Variants in SUCO observed in about 807,000 individuals in gnomAD.
SUCO encodes SUN domain containing ossification factor.
SUCO carries 57 observed loss-of-function variants against 148.1 expected under a neutral mutation model. That is an observed-to-expected ratio of 0.38 (90% CI 0.31 to 0.48). The LOEUF is 0.48. SUCO is among the 20% of genes least tolerant of loss of function. The pLI is 0.96. For synonymous variants in SUCO, 470 were observed against 502.7 expected (o/e 0.93, Z 0.87); for missense variants, 1,331 against 1,468.2 (o/e 0.91, Z 1.53).
intron 18 of SUCO, among the ~76,000 whole-genome samples, chr1:172,590,758 A>G (rs1159490531): frequency 6.6e-6 from 1 of 152,142 alleles, no homozygotes; most frequent in Non-Finnish European, 1.5e-5. Context: ...GCTACCCCAT[A>G]CCTGCTCTTA....
chr1:172,556,475 C>T, intron 4 of SUCO: 1 of 352,400 alleles, frequency 2.8e-6, no homozygotes, highest in East Asian at 1.7e-4. Flanking sequence ...TTTAAGTGAT[C>T]CTTAATTTAG....
In SUCO at chr1:172,611,363, G is replaced by A. The variant is rs1266027856; in HGVS notation, c.*1104G>A. On this transcript the variant is annotated 3_prime_UTR_variant, in exon 24 of 24. Coordinates refer to ENST00000263688, the MANE Select transcript of SUCO (RefSeq NM_014283.5). ...AAAATAATTGGCAGCAACTGTATTTGAATAAAATGATTTCTTAGTATGATT... is the reference window on the plus strand; with the variant it reads ...AAAATAATTGGCAGCAACTGTATTTAAATAAAATGATTTCTTAGTATGATT... 6.6e-6 allele frequency: 1 copy of A among 152,414 alleles called. No homozygotes were observed. The highest frequency in any genetic ancestry group is 1.5e-5 in the Non-Finnish European group (1 of 67,980). The allele number at this position is 152,414 out of a possible 1,614,324, so 9.4% of individuals were successfully genotyped here.
At chr1:172,549,230 C>A (rs1653097486) in intron 1 of SUCO, among the ~76,000 whole-genome samples, 1 of 151,782 alleles carries the variant, frequency 6.6e-6, no homozygotes, top group South Asian at 2.1e-4. Flanking sequence ...ACTGGGTAAT[C>A]TTACATGCTT....
At chr1:172,567,217 G>A (rs1654615529) in intron 6 of SUCO, among the ~76,000 whole-genome samples, 2 of 152,192 alleles carry the variant, frequency 1.3e-5, no homozygotes, top group South Asian at 4.1e-4. Flanking sequence ...TAAACTAAAT[G>A]AGACTTATAT....
rs1026659903 is a variant in SUCO at position 172,596,291 on chromosome 1, A to G, written c.2914-3773A>G. ...TGAAGCCTACTTCTGTGTACTTGTC[A>G]AAGTCATTCTCCATCCAGCTTTGTT... On this transcript the variant is annotated intron_variant, in intron 19 of 23. Coordinates refer to ENST00000263688, the MANE Select transcript of SUCO (RefSeq NM_014283.5). Among the ~76,000 whole-genome samples, 49 of 152,202 alleles carry G rather than the reference A, an allele frequency of 3.2e-4. 1 individual carries two copies. The highest frequency in any genetic ancestry group is 2.8e-3 in the Admixed American group (43 of 15,278).
chr1:172,573,162 A>G lies in SUCO; in HGVS notation c.1050-729A>G, dbSNP rs186200476. ...TGAAGCCATCACCACAATAAAGATA[A>G]CAAACATATCCATCATTCCCAAAAG... On this transcript the variant is annotated intron_variant, in intron 9 of 23. Transcript: ENST00000263688. Among the ~76,000 whole-genome samples the G allele has an allele frequency of 6.6e-5, 10 of 152,356 alleles. No individual in the cohort carries two copies. The East Asian group carries it at 1.5e-3, about 23-fold the overall frequency.
chr1:172,578,340 T>C lies in SUCO; in HGVS notation c.1383T>C (p.Ala461=), dbSNP rs754309156. 3 of 1,612,772 alleles carry C rather than the reference T, an allele frequency of 1.9e-6. No homozygotes were observed. The highest frequency in any genetic ancestry group is 2.2e-5 in the South Asian group (2 of 91,048). ...TGGTGGAAGAATATGAAGAAATTGC[T>C]GATTCCCAGTATCACTCAGAACGCC... is the stretch of plus-strand genomic sequence containing the variant. ...TSMVEEYEEI[A]DSQYHSERQE... is the part of the protein sequence containing the mutation. The change falls in exon 14 of 24, where the codon GCT becomes GCC. Residue 461 remains alanine (A), a synonymous_variant. Coordinates refer to ENST00000263688, the MANE Select transcript of SUCO (RefSeq NM_014283.5).
intron 19 of SUCO, among the ~76,000 whole-genome samples, chr1:172,597,528 A>AT (rs959185385): frequency 7.2e-5 from 11 of 151,856 alleles, no homozygotes; most frequent in South Asian, 2.1e-4. Flanking sequence ...TTTTGTTTGT[A>AT]TTTTTTTTAA....
At chr1:172,568,220 T>C in intron 6 of SUCO, 3 of 784,886 alleles carry the variant, frequency 3.8e-6, no homozygotes, top group Non-Finnish European at 4.6e-6. Flanking sequence ...CTGATTTATA[T>C]GATATCTCAG....
Position 172,588,218 on chromosome 1 carries a change from A to G in SUCO, c.1659-542A>G, listed in dbSNP as rs1656375073. On this transcript the variant is annotated intron_variant, in intron 17 of 23. Coordinates refer to ENST00000263688, the MANE Select transcript of SUCO (RefSeq NM_014283.5). ...ATGCTGTATTGGAGTTCCTCAAATCATTCTTAGAAAAATTATGTTTGAGAC... is the reference window on the plus strand; with the variant it reads ...ATGCTGTATTGGAGTTCCTCAAATCGTTCTTAGAAAAATTATGTTTGAGAC... 3.0e-6 allele frequency: 3 copies of G among 985,196 alleles called. No individual in the cohort carries two copies. In the South Asian group the frequency reaches 1.4e-4, roughly 46 times the overall value. The allele number at this position is 985,196 out of a possible 1,614,324, so 61.0% of individuals were successfully genotyped here.
chr1:172,602,750 C>T lies in SUCO; in HGVS notation c.3228C>T (p.Leu1076=), dbSNP rs1657612553. 1.2e-6 allele frequency: 2 copies of T among 1,612,998 alleles called. No individual in the cohort carries two copies. Among genetic ancestry groups the T allele is most frequent in the South Asian group, 2.2e-5 (2 of 91,044 alleles). The part of the protein sequence containing the change: ...MNLKRRTSFP[L]MRSKSLQLTG... ...TGAAAAGAAGAACTTCATTCCCACTCATGAGATCCAAGTCTCTACAGTTAA... is the reference window on the plus strand; with the variant it reads ...TGAAAAGAAGAACTTCATTCCCACTTATGAGATCCAAGTCTCTACAGTTAA... Residue 1076 remains leucine, a synonymous_variant, in exon 22 of 24, where the codon CTC becomes CTT. Coordinates refer to ENST00000263688, the MANE Select transcript of SUCO (RefSeq NM_014283.5).
intron 9 of SUCO, among the ~76,000 whole-genome samples, chr1:172,572,911 A>C (rs1405687044): frequency 6.6e-6 from 1 of 152,094 alleles, no homozygotes; most frequent in African/African-American, 2.4e-5. Flanking sequence ...ATTTTCCGCC[A>C]ATGCCATGCT....
At chr1:172,574,830 A>C in intron 10 of SUCO, 1 of 958,796 alleles carries the variant, frequency 1.0e-6, no homozygotes, top group Non-Finnish European at 1.2e-6. Context: ...TCAGCACTGC[A>C]TATATACAGT....
chr1:172,577,479 A>C, intron 11 of SUCO, 60 bp from the exon 12 acceptor site: 1 of 1,496,408 alleles, frequency 6.7e-7, no homozygotes, highest in Non-Finnish European at 9.2e-7. Flanking sequence ...AAAGATGCTT[A>C]TTGCATGATG....
At chr1:172,587,390 T>G (rs1656319323) in intron 17 of SUCO, among the ~76,000 whole-genome samples, 1 of 152,014 alleles carries the variant, frequency 6.6e-6, no homozygotes, top group South Asian at 2.1e-4. Context: ...GAGAAAAAAC[T>G]TTTAAAGTAT....
At chr1:172,542,869 A>G in intron 1 of SUCO, 1 of 985,468 alleles carries the variant, frequency 1.0e-6, no homozygotes, top group Non-Finnish European at 1.2e-6. Context: ...AGTGGTCAAC[A>G]ATATAAAATG....
At chr1:172,569,312 A>G in intron 7 of SUCO, 170 bp downstream of exon 7, 1 of 778,880 alleles carries the variant, frequency 1.3e-6, no homozygotes, top group Non-Finnish European at 1.6e-6. Context: ...GTACCTGTAT[A>G]TAATTACATA....
chr1:172,546,998 C>A (rs1190305806), intron 1 of SUCO, among the ~76,000 whole-genome samples: 2 of 152,134 alleles, frequency 1.3e-5, no homozygotes, highest in African/African-American at 4.8e-5. Context: ...TAACTCACAC[C>A]CCCTCAAGAT....
chr1:172,543,879 A>T (rs1652677561), intron 1 of SUCO, among the ~76,000 whole-genome samples: 1 of 152,016 alleles, frequency 6.6e-6, no homozygotes, highest in Admixed American at 6.5e-5. Context: ...ACCTTAAAAG[A>T]GCTCCAGACT....
Sources: allele counts gnomAD v4.1 joint callset (sites outside exome capture counted in the v4.1 genomes callset), GRCh38; gene constraint gnomAD v4.1.1; transcripts MANE v1.5; gene names NCBI Gene and HGNC (gene_info 2026-07-23, HGNC 2026-07-21).